The following SMCO1 variants were observed in gnomAD, a reference collection of about 807,000 sequenced individuals.
SMCO1 encodes single-pass membrane and coiled-coil domain-containing protein 1.
In SMCO1, 9 loss-of-function variants were observed where a neutral mutation model predicts 7.5. The observed-to-expected ratio is 1.20, with a 90% CI of 0.72 to 2.09. The LOEUF (loss-of-function observed/expected upper bound fraction) is 2.09, where lower values mean the gene tolerates loss of function less well. SMCO1 is among the 30% of genes most tolerant of loss of function. SMCO1 has a pLI of 0.00. For missense variants in SMCO1, 219 were observed against 253.1 expected, an observed-to-expected ratio of 0.87 and a Z score of 0.91; for synonymous variants, 90 against 93.8, an observed-to-expected ratio of 0.96 and a Z score of 0.23.
chr3:196,513,825 A>G (rs1733314589), intron 1 of SMCO1, among the ~76,000 whole-genome samples: 2 of 152,198 alleles, frequency 1.3e-5, no homozygotes, highest in Admixed American at 6.5e-5. Flanking sequence ...GCCGTTCCAG[A>G]TAAATCTCAA....
intron 1 of SMCO1, among the ~76,000 whole-genome samples, chr3:196,511,128 TGTCTTTATGAGGGAAACTTGCCTGA>T (rs2108662109): frequency 6.8e-6 from 1 of 146,018 alleles, no homozygotes; most frequent in African/African-American, 2.7e-5. Flanking sequence ...CCACCTAGAT[TGTCTTTATGAGGGAAACTTGCCTGA>T]GCCACCTAGA....
Position 196,508,214 on chromosome 3 carries a change from G to A in SMCO1, c.318C>T (p.Ala106=). 2 of 1,614,116 alleles carry A rather than the reference G, an allele frequency of 1.2e-6. No individual in the cohort carries two copies. Among genetic ancestry groups the A allele is most frequent in the Non-Finnish European group, 8.5e-7 (1 of 1,180,022 alleles). The part of the protein sequence containing the change: ...PDLVRGLPTL[A]SVLRRKVKNK... ...TCTTAACTTTTCTTCTGAGTACAGA[G>A]GCTAAGGTTGGAAGACCTCTCACCA... The change falls in exon 3 of 3, where the codon GCC becomes GCT. Residue 106 remains alanine, a synonymous_variant. Transcript: ENST00000397537.
chr3:196,509,413 C>A, intron 2 of SMCO1, 107 bp downstream of exon 2: 2 of 972,638 alleles, frequency 2.1e-6, no homozygotes, highest in Non-Finnish European at 1.5e-6. Flanking sequence ...AATGTAATTG[C>A]TTTACAATCC....
intron 2 of SMCO1, 133 bp downstream of exon 2, chr3:196,509,387 T>G: frequency 1.2e-6 from 1 of 837,238 alleles, no homozygotes; most frequent in East Asian, 2.8e-5. Flanking sequence ...TTTAAAAAAA[T>G]AAATGAACCT....
At chr3:196,515,988 G>GATATATAT (rs200613159), upstream of SMCO1, among the ~76,000 whole-genome samples, 90 of 23,784 alleles carry the variant, frequency 3.8e-3, no homozygotes, top group South Asian at 4.4e-3. Context: ...AAGAGGATAG[G>GATATATAT]ATATATATAT....
rs771593902 is a variant in SMCO1, at chr3:196,515,131, C to G, written c.50+29G>C. On this transcript the variant is annotated intron_variant, in intron 1 of 2. Transcript: ENST00000397537. ...ATCTTCCCAGAATAGCAGACCCATG[C>G]TTGCTCCCTCCCTATAGCCCTCAGC... 5.0e-6 allele frequency: 8 copies of G among 1,612,876 alleles called. No homozygotes were observed. The African/African-American group carries it at 1.1e-4, about 22-fold the overall frequency.
At chr3:196,514,245 G>A (rs1045109064) in intron 1 of SMCO1, among the ~76,000 whole-genome samples, 2 of 152,084 alleles carry the variant, frequency 1.3e-5, no homozygotes, top group African/African-American at 4.8e-5. Context: ...CTTTGCTCCT[G>A]TCTTCCACCA....
rs1433798397 is a variant in SMCO1 at position 196,509,525 on chromosome 3, T to C, written c.195A>G (p.Ala65=). Residue 65 remains alanine (A), a synonymous_variant, in exon 2 of 3, where the codon GCA becomes GCG. Coordinates refer to ENST00000397537, the MANE Select transcript of SMCO1 (RefSeq NM_001077657.3). The part of the protein sequence containing the change: ...AQDEMWTAVR[A]LQLTSMELNI... Reference sequence around the variant, plus strand: ...ATTTCTCAATTGATACTCACTGGAGTGCCCGAACTGCTGTCCACATCTCAT... The same window carrying C: ...ATTTCTCAATTGATACTCACTGGAGCGCCCGAACTGCTGTCCACATCTCAT... The C allele has an allele frequency of 4.3e-6, 7 of 1,612,312 alleles. No individual in the cohort carries two copies. The highest frequency in any genetic ancestry group is 5.1e-6 in the Non-Finnish European group (6 of 1,178,866).
At chr3:196,511,906 G>C (rs1318174916) in intron 1 of SMCO1, among the ~76,000 whole-genome samples, 1 of 135,690 alleles carries the variant, frequency 7.4e-6, no homozygotes, top group Non-Finnish European at 1.5e-5. Context: ...CAAGTAGATT[G>C]TTGTTATGAG....
upstream of SMCO1, among the ~76,000 whole-genome samples, chr3:196,518,692 G>A (rs898070399): frequency 1.3e-5 from 2 of 152,200 alleles, no homozygotes; most frequent in Non-Finnish European, 2.9e-5. Context: ...AACATTCAAT[G>A]GAGCAGTGAG....
chr3:196,513,383 C>A (rs1439656869), intron 1 of SMCO1, among the ~76,000 whole-genome samples: 2 of 151,322 alleles, frequency 1.3e-5, no homozygotes, highest in South Asian at 2.1e-4. Flanking sequence ...GTAATCCCAG[C>A]CATTTGGGAG....
At chr3:196,516,044 A>G (rs1327872450), upstream of SMCO1, among the ~76,000 whole-genome samples, 3 of 93,110 alleles carry the variant, frequency 3.2e-5, no homozygotes, top group African/African-American at 1.7e-4. Context: ...TATATATAAA[A>G]TTATACATAT....
At chr3:196,512,236 A>G (rs1733262142) in intron 1 of SMCO1, among the ~76,000 whole-genome samples, 1 of 151,428 alleles carries the variant, frequency 6.6e-6, no homozygotes, top group Non-Finnish European at 1.5e-5. Flanking sequence ...GGCCGCCTAG[A>G]TTGTCGTTAT....
At chr3:196,519,379 T>C (rs1733450165), upstream of SMCO1, among the ~76,000 whole-genome samples, 1 of 152,244 alleles carries the variant, frequency 6.6e-6, no homozygotes, top group Admixed American at 6.5e-5. Flanking sequence ...TAAGACACGT[T>C]GGTCCACTGT....
chr3:196,518,838 G>A (rs1733440646), upstream of SMCO1, among the ~76,000 whole-genome samples: 1 of 152,170 alleles, frequency 6.6e-6, no homozygotes, highest in Non-Finnish European at 1.5e-5. Context: ...TTAGAGACTT[G>A]GATGTCAGGC....
upstream of SMCO1, among the ~76,000 whole-genome samples, chr3:196,515,989 ATATATATATATATATATATATATATAT>A (rs1333150346): frequency 6.3e-3 from 14 of 2,218 alleles, 1 homozygote; most frequent in East Asian, 0.053. Flanking sequence ...AGAGGATAGG[ATATATATATATATATATATATATATAT>A]ATATATATAT....
At position 196,509,379 on chromosome 3, in the gene SMCO1, T is replaced by TA. The variant is rs886622507; in HGVS notation, c.200+140dup. 3.8e-5 allele frequency: 31 copies of TA among 823,220 alleles called. No individual in the cohort carries two copies. In the African/African-American group the frequency reaches 4.7e-4, roughly 12 times the overall value. The allele number at this position is 823,220 out of a possible 1,614,324, so 51.0% of individuals were successfully genotyped here. ...GTGCCCGGCCAAATTAATCTTTTTTTAAAAAAATAAATGAACCTAAGAAAA... is the reference window on the plus strand; with the variant it reads ...GTGCCCGGCCAAATTAATCTTTTTTTAAAAAAAATAAATGAACCTAAGAAAA... On this transcript the variant is annotated intron_variant, in intron 2 of 2. Transcript: ENST00000397537.
chr3:196,507,206 G>C lies in SMCO1; in HGVS notation c.*681C>G, dbSNP rs1032429939. On this transcript the variant is annotated 3_prime_UTR_variant, in exon 3 of 3. Coordinates refer to ENST00000397537, the MANE Select transcript of SMCO1 (RefSeq NM_001077657.3). The stretch of plus-strand genomic sequence containing the variant: ...CCAGAACTCATAGCTTGGTTTTCAG[G>C]CTTTAGACTGTCCTTGGCTTGAAGG... The C allele has an allele frequency of 5.3e-5, 8 of 152,164 alleles. No homozygotes were observed. Among genetic ancestry groups the C allele is most frequent in the Non-Finnish European group, 8.8e-5 (6 of 68,062 alleles). 9.4% of individuals were successfully genotyped at this position (152,164 alleles called of 1,614,324 possible). A position where few individuals can be genotyped will look rare whatever the true frequency, so the allele number is the denominator to read the frequency against.
upstream of SMCO1, among the ~76,000 whole-genome samples, chr3:196,516,395 T>G (rs1733390445): frequency 1.3e-5 from 2 of 152,038 alleles, no homozygotes; most frequent in Middle Eastern, 3.4e-3. Context: ...GTTAAGGGTG[T>G]TACGAACTGG....
Sources: allele counts gnomAD v4.1 joint callset (sites outside exome capture counted in the v4.1 genomes callset), GRCh38; gene constraint gnomAD v4.1.1; transcripts MANE v1.5; gene names NCBI Gene and HGNC (gene_info 2026-07-23, HGNC 2026-07-21).